Variants in TMLHE observed in about 807,000 individuals in gnomAD.
The protein encoded by TMLHE is trimethyllysine hydroxylase, epsilon, also known as trimethyllysine dioxygenase, mitochondrial.
A neutral mutation model predicts 25.7 loss-of-function variants in TMLHE; 18 were observed. The ratio of observed to expected loss-of-function variants is 0.70; its 90% CI spans 0.48 to 1.04. TMLHE has a LOEUF of 1.04. TMLHE is among the 50% of genes least tolerant of loss of function. The pLI, the probability that TMLHE is intolerant of heterozygous loss-of-function variation, is 0.00. For missense variants in TMLHE, 236 were observed against 259.0 expected, an observed-to-expected ratio of 0.91 and a Z score of 0.61; for synonymous variants, 105 against 97.0, an observed-to-expected ratio of 1.08 and a Z score of -0.49.
intron 5 of TMLHE, among the ~76,000 whole-genome samples, chrX:155,511,426 CT>C (rs55802050): frequency 0.019 from 1,934 of 101,407 alleles, 15 homozygotes; most frequent in African/African-American, 0.023. Context: ...TTAAATCTCT[CT>C]TTTTTTTTTT....
intron 1 of TMLHE, among the ~76,000 whole-genome samples, chrX:155,556,478 G>A (rs1432285782): frequency 2.7e-5 from 3 of 110,435 alleles, no homozygotes; most frequent in Non-Finnish European, 3.8e-5. Context: ...GGTAGGATCC[G>A]TGATGCCCCA....
At chrX:155,571,536 G>C (rs1557343152) in intron 1 of TMLHE, among the ~76,000 whole-genome samples, 1 of 49,593 alleles carries the variant, frequency 2.0e-5, no homozygotes, top group African/African-American at 4.9e-5. Context: ...AACCAAAAAA[G>C]AGAATTTTAG....
intron 3 of TMLHE, among the ~76,000 whole-genome samples, chrX:155,516,201 T>C (rs1436082424): frequency 5.1e-4 from 19 of 37,094 alleles, no homozygotes; most frequent in Non-Finnish European, 9.4e-4. Flanking sequence ...CAGAGTGTGA[T>C]ATTCCCCTTC....
intron 1 of TMLHE, among the ~76,000 whole-genome samples, chrX:155,570,613 C>G (rs371456094): frequency 1.8e-5 from 1 of 56,630 alleles, no homozygotes; most frequent in Non-Finnish European, 4.6e-5. Flanking sequence ...AAATGTAAAA[C>G]AACAGAAATT....
At chrX:155,603,829 G>T (rs1414345640) in intron 1 of TMLHE, among the ~76,000 whole-genome samples, 1 of 111,711 alleles carries the variant, frequency 9.0e-6, no homozygotes, top group African/African-American at 3.3e-5. Flanking sequence ...TAGAAACATA[G>T]GAAAACCTTC....
intron 1 of TMLHE, among the ~76,000 whole-genome samples, chrX:155,550,991 C>G (rs782416671): frequency 2.7e-5 from 3 of 109,824 alleles, no homozygotes; most frequent in South Asian, 7.6e-4. Context: ...TAAAGCGCAT[C>G]AACTCTCAAA....
intron 1 of TMLHE, among the ~76,000 whole-genome samples, chrX:155,559,136 T>C (rs2124443225): frequency 8.9e-6 from 1 of 111,775 alleles, no homozygotes; most frequent in African/African-American, 3.2e-5. Flanking sequence ...CTTCGATTAC[T>C]GAGAGTAGTT....
chrX:155,557,177 C>T (rs1180602856), intron 1 of TMLHE, among the ~76,000 whole-genome samples: 1 of 111,864 alleles, frequency 8.9e-6, no homozygotes, highest in African/African-American at 3.3e-5. Context: ...GAGATTAAAG[C>T]AAAGACAGGC....
intron 1 of TMLHE, among the ~76,000 whole-genome samples, chrX:155,583,130 C>T (rs1349563079): frequency 9.0e-6 from 1 of 110,790 alleles, no homozygotes; most frequent in Non-Finnish European, 1.9e-5. Flanking sequence ...AATGAGAACA[C>T]TTGGACACAG....
In TMLHE at chrX:155,545,169, AG is replaced by A; in HGVS notation, c.107del (p.Pro36LeufsTer2). 1 of 1,210,514 alleles carries A rather than the reference AG, an allele frequency of 8.3e-7. No individual in the cohort carries two copies. Among genetic ancestry groups the A allele is most frequent in the South Asian group, 1.8e-5 (1 of 56,874 alleles). ...CTGTATGGTGCCAATGGACAGCTAA[AG>A]GAAGTAAGCTTTTGAAGTTGGGCTG... The part of the protein sequence containing the change: ...LPQPNFKSLL[P>X]LAVHWHHTAS... On this transcript the variant is annotated frameshift_variant, in exon 2 of 8. Coordinates refer to ENST00000334398, the MANE Select transcript of TMLHE (RefSeq NM_018196.4). LOFTEE classifies it high-confidence loss of function.
chrX:155,522,011 CG>C (rs1169752752), intron 3 of TMLHE, among the ~76,000 whole-genome samples: 1 of 110,268 alleles, frequency 9.1e-6, no homozygotes, highest in Non-Finnish European at 1.9e-5. Context: ...AGCTGTACAC[CG>C]GAGCTGTTCC....
intron 1 of TMLHE, among the ~76,000 whole-genome samples, chrX:155,559,493 C>T (rs1557341387): frequency 9.0e-6 from 1 of 111,480 alleles, no homozygotes; most frequent in African/African-American, 3.2e-5. Context: ...TTTTTGAGAG[C>T]TTCCCAACCT....
In TMLHE at chrX:155,558,762, A is replaced by T. The variant is rs1246149472; in HGVS notation, c.-1-13485T>A. Reference sequence around the variant, plus strand: ...TTTGAATATGGTGATTTAATTAATTAATACATAATTATATTACTTTTATAA... The same window carrying T: ...TTTGAATATGGTGATTTAATTAATTTATACATAATTATATTACTTTTATAA... On this transcript the variant is annotated intron_variant, in intron 1 of 7. Coordinates refer to ENST00000334398, the MANE Select transcript of TMLHE (RefSeq NM_018196.4). Among the ~76,000 whole-genome samples, 2 of 111,773 alleles carry T rather than the reference A, an allele frequency of 1.8e-5. 1 individual carries two copies. The highest frequency in any genetic ancestry group is 3.8e-5 in the Non-Finnish European group (2 of 53,070).
chrX:155,514,414 A>C, intron 3 of TMLHE, 149 bp from the exon 4 acceptor site: 1 of 563,687 alleles, frequency 1.8e-6, no homozygotes, highest in Non-Finnish European at 2.6e-6. Flanking sequence ...GAATGCCTAG[A>C]ATGTTTCTGA....
At chrX:155,505,045 A>T (rs1318697022) in intron 6 of TMLHE, among the ~76,000 whole-genome samples, 3 of 112,076 alleles carry the variant, frequency 2.7e-5, no homozygotes, top group Non-Finnish European at 5.7e-5. Context: ...GCTGTAAGCA[A>T]ATATTGAACT....
In TMLHE at chrX:155,506,893, C is replaced by G. The variant is rs1442342898; in HGVS notation, c.995+5G>C. ...TACAGTTGGGGATAGTTCTTTGATA[C>G]TCACCTGATCAAATACAGCTCTTTA... On this transcript the variant is annotated splice_donor_5th_base_variant and intron_variant, in intron 6 of 7. Transcript: ENST00000334398. 8.4e-7 allele frequency: 1 copy of G among 1,192,190 alleles called. No individual in the cohort carries two copies. Among genetic ancestry groups the G allele is most frequent in the African/African-American group, 1.8e-5 (1 of 56,764 alleles).
chrX:155,532,245 A>G (rs1181522159), intron 2 of TMLHE, among the ~76,000 whole-genome samples: 6 of 112,222 alleles, frequency 5.3e-5, no homozygotes, highest in African/African-American at 1.9e-4. Context: ...TACACACAGA[A>G]AAAAAGCAGG....
intron 1 of TMLHE, among the ~76,000 whole-genome samples, chrX:155,585,625 G>A (rs2067659481): frequency 9.0e-6 from 1 of 111,555 alleles, no homozygotes; most frequent in Non-Finnish European, 1.9e-5. Flanking sequence ...AACTTTAACA[G>A]CCCACTCTCA....
intron 1 of TMLHE, among the ~76,000 whole-genome samples, chrX:155,583,952 A>G (rs973847764): frequency 1.8e-5 from 2 of 111,680 alleles, no homozygotes; most frequent in Admixed American, 9.6e-5. Flanking sequence ...ATATATTTAT[A>G]CAAATAAAAA....
Sources: allele counts gnomAD v4.1 joint callset (sites outside exome capture counted in the v4.1 genomes callset), GRCh38; gene constraint gnomAD v4.1.1; transcripts MANE v1.5; gene names NCBI Gene and HGNC (gene_info 2026-07-23, HGNC 2026-07-21).